THAP9: variants seen among roughly 807,000 people sequenced by gnomAD.
The protein encoded by THAP9 is THAP domain containing 9.
Under a neutral mutation model 35.7 loss-of-function variants are expected in THAP9, and 20 were observed. That is an observed-to-expected ratio of 0.56 (90% CI 0.39 to 0.81). The LOEUF (loss-of-function observed/expected upper bound fraction) is 0.81, where lower values mean the gene tolerates loss of function less well. Ranked by LOEUF, THAP9 falls within the 40% of genes least tolerant of loss-of-function variation. THAP9 has a pLI of 0.00. For synonymous variants in THAP9, 335 were observed against 373.7 expected (o/e 0.90, Z 1.19); for missense variants, 870 against 1,047.4 (o/e 0.83, Z 2.34).
At chr4:82,914,763 T>C (rs1231837670) in intron 4 of THAP9, among the ~76,000 whole-genome samples, 1 of 152,246 alleles carries the variant, frequency 6.6e-6, no homozygotes, top group Admixed American at 6.5e-5. Flanking sequence ...TTCTGTAGGA[T>C]GTCTGTTTAC....
chr4:82,913,514 G>A (rs763526211), intron 4 of THAP9: 1 of 152,108 alleles, frequency 6.6e-6, no homozygotes, highest in Non-Finnish European at 1.5e-5. Flanking sequence ...ACATTCTAGT[G>A]TGCTGTAGCA....
At chr4:82,901,148 T>A in intron 1 of THAP9, 1 of 672,770 alleles carries the variant, frequency 1.5e-6, no homozygotes. Context: ...GAGTCCTCCA[T>A]TAATTGGATG....
At chr4:82,907,752 C>A (rs755411146) in intron 3 of THAP9, 33 bp from the exon 4 acceptor site, 1 of 1,509,376 alleles carries the variant, frequency 6.6e-7, no homozygotes, top group South Asian at 1.3e-5. Context: ...TTTTACTATT[C>A]ATCACAAAGA....
chr4:82,900,938 G>A, intron 1 of THAP9, 56 bp downstream of exon 1: 1 of 1,594,014 alleles, frequency 6.3e-7, no homozygotes. Context: ...CCGGCGGGCC[G>A]TGGCGTGGCG....
rs749704478 is a variant in THAP9, at chr4:82,904,698, G to GT, written c.81-34dup. On this transcript the variant is annotated intron_variant, in intron 1 of 4. Coordinates refer to ENST00000302236, the MANE Select transcript of THAP9 (RefSeq NM_024672.6). ...AATACTACTGTAATAGTACTATAAT[G>GT]TTTTCATGTTAATGGAACTTTAATG... The GT allele has an allele frequency of 2.1e-5, 33 of 1,590,252 alleles. No individual in the cohort carries two copies. In the African/African-American group the frequency reaches 4.2e-4, roughly 20 times the overall value.
At chr4:82,904,525 A>G (rs546058535) in intron 1 of THAP9, among the ~76,000 whole-genome samples, 12 of 152,336 alleles carry the variant, frequency 7.9e-5, no homozygotes, top group African/African-American at 2.6e-4. Context: ...TTGCCCCTCT[A>G]TGATTGACAA....
chr4:82,916,147 G>A (rs1226052179), intron 4 of THAP9, among the ~76,000 whole-genome samples: 1 of 152,298 alleles, frequency 6.6e-6, no homozygotes, highest in South Asian at 2.1e-4. Context: ...ATATGTTACA[G>A]GTGAACATCC....
At chr4:82,910,440 A>T (rs984366708) in intron 4 of THAP9, among the ~76,000 whole-genome samples, 1 of 54,218 alleles carries the variant, frequency 1.8e-5, no homozygotes, top group Non-Finnish European at 7.7e-5. Context: ...AAGTTAAATA[A>T]AAAAAAAAAC....
In THAP9 at chr4:82,907,914, C is replaced by T; in HGVS notation, c.710C>T (p.Pro237Leu). 1 of 1,608,780 alleles carries T rather than the reference C, an allele frequency of 6.2e-7. No homozygotes were observed. The highest frequency in any genetic ancestry group is 8.5e-7 in the Non-Finnish European group (1 of 1,178,486). ...YDYVRKILKLPHSSILRTWLS... is the reference protein window; with the variant it reads ...YDYVRKILKLLHSSILRTWLS... ...TATGTAAGAAAGATTCTTAAGCTGC[C>T]TCATTCTTCCATCCTCAGAACGTAA... The change falls in exon 4 of 5, where the codon CCT becomes CTT. Residue 237 changes from proline (P) to leucine (L), a missense_variant. Physicochemically the swap from Pro to Leu is moderately conservative, Grantham distance 98. This residue lies in a region of THAP9 where 440 missense variants were observed against 501.2 expected (regional missense o/e 0.88). Transcript: ENST00000302236.
intron 2 of THAP9, among the ~76,000 whole-genome samples, chr4:82,905,633 T>C (rs1720617027): frequency 6.6e-6 from 1 of 152,172 alleles, no homozygotes; most frequent in Admixed American, 6.5e-5. Context: ...CCCAAGAGCT[T>C]CCTATTAACT....
At position 82,918,094 on chromosome 4, in the gene THAP9, A is replaced by C. The variant is rs1325495762; in HGVS notation, c.1882A>C (p.Ser628Arg). 5 of 1,614,144 alleles carry C rather than the reference A, an allele frequency of 3.1e-6. No homozygotes were observed. The East Asian group carries it at 1.1e-4, about 36-fold the overall frequency. Residue 628 changes from serine to arginine, a missense_variant, in exon 5 of 5, where the codon AGC (serine) becomes CGC (arginine). Transcript: ENST00000302236. ...TAGGCAGGTATTAGTAACAAGTTCT[A>C]GCCCTACCTGCATGGCATTCCAGAA... ...MLRQVLVTSS[S>R]PTCMAFQKAY...
chr4:82,915,258 T>C (rs1323915191), intron 4 of THAP9, among the ~76,000 whole-genome samples: 2 of 151,656 alleles, frequency 1.3e-5, no homozygotes, highest in African/African-American at 4.9e-5. Flanking sequence ...TTTTGTTTTG[T>C]TTTGTTTTGT....
At position 82,900,935 on chromosome 4, in the gene THAP9, G is replaced by GC; in HGVS notation, c.80+55dup. 14 of 1,603,858 alleles carry GC rather than the reference G, an allele frequency of 8.7e-6. No individual in the cohort carries two copies. In the South Asian group the frequency reaches 1.5e-4, roughly 18 times the overall value. The stretch of plus-strand genomic sequence containing the variant: ...TCGAACTCCCTGCGGGGCCCGGCGG[G>GC]CCGTGGCGTGGCGTGGGGCGGGGCC... On this transcript the variant is annotated intron_variant, in intron 1 of 4. Transcript: ENST00000302236.
At chr4:82,906,224 C>T (rs1016807727) in intron 2 of THAP9, 100 bp from the exon 3 acceptor site, 24 of 998,848 alleles carry the variant, frequency 2.4e-5, no homozygotes, top group Non-Finnish European at 3.5e-5. Context: ...ACTAACTCTC[C>T]ACAGCAACCA....
chr4:82,900,945 G>C (rs1720318038), intron 1 of THAP9, 63 bp downstream of exon 1: 4 of 1,591,328 alleles, frequency 2.5e-6, no homozygotes, highest in Non-Finnish European at 3.4e-6. Context: ...GCCGTGGCGT[G>C]GCGTGGGGCG....
In THAP9 at chr4:82,918,231, A is replaced by G; in HGVS notation, c.2019A>G (p.Thr673=). The G allele has an allele frequency of 1.2e-6, 2 of 1,614,222 alleles. No individual in the cohort carries two copies. The highest frequency in any genetic ancestry group is 1.7e-6 in the Non-Finnish European group (2 of 1,180,022). The change falls in exon 5 of 5, where the codon ACA becomes ACG. Residue 673 remains threonine (T), a synonymous_variant. Transcript: ENST00000302236. ...IARRKDLALW[T]VQRQYGVSVT... ...GAAGGAAAGACTTGGCGCTTTGGAC[A>G]GTTCAACGTCAGTATGGTGTCAGCG... is the stretch of plus-strand genomic sequence containing the variant.
At chr4:82,902,105 CTTTTTTTTTTTT>C (rs768693634) in intron 1 of THAP9, among the ~76,000 whole-genome samples, 6 of 104,498 alleles carry the variant, frequency 5.7e-5, no homozygotes, top group Admixed American at 1.3e-4. Flanking sequence ...CATTTTCCTT[CTTTTTTTTTTTT>C]TTTTTTTTGG....
At position 82,904,095 on chromosome 4, in the gene THAP9, A is replaced by G. The variant is rs1210846057; in HGVS notation, c.81-641A>G. Among the ~76,000 whole-genome samples, 20 of 97,292 alleles carry G rather than the reference A, an allele frequency of 2.1e-4. No homozygotes were observed. The Middle Eastern group carries it at 0.038, about 187-fold the overall frequency. The allele number at this position is 97,292 out of a possible 152,430, so 63.8% of individuals were successfully genotyped here. On this transcript the variant is annotated intron_variant, in intron 1 of 4. Transcript: ENST00000302236. ...TTTTTTTTTTTTGTTACGGAGTTTCACTCTTGTTGCCCAGGCTGGAGTGTA... is the reference window on the plus strand; with the variant it reads ...TTTTTTTTTTTTGTTACGGAGTTTCGCTCTTGTTGCCCAGGCTGGAGTGTA...
Position 82,918,365 on chromosome 4 carries a change from AT to A in THAP9, c.2154del (p.Tyr718Ter). ...GATCATAGGCGAAATCTCATCTGTT[AT>A]GCTGGTTATGTTGCAAACAAGTTAT... ...LSDHRRNLIC[Y>X]AGYVANKLSA... On this transcript the variant is annotated frameshift_variant, in exon 5 of 5. Transcript: ENST00000302236. LOFTEE classifies it high-confidence loss of function. 1.2e-6 allele frequency: 2 copies of A among 1,614,162 alleles called. No individual in the cohort carries two copies. The highest frequency in any genetic ancestry group is 2.2e-5 in the East Asian group (1 of 44,886).
Sources: gnomAD v4.1 joint callset for allele counts (sites outside exome capture counted in the v4.1 genomes callset) on GRCh38, gnomAD v4.1.1 for gene constraint, gnomAD v4.1.1 regional missense constraint, MANE v1.5 for transcripts, NCBI Gene and HGNC (gene_info 2026-07-23, HGNC 2026-07-21) for gene names.